The following UGGT2 variants were observed in gnomAD, a reference collection of about 807,000 sequenced individuals.
UGGT2 encodes the protein UDP-glucose glycoprotein glucosyltransferase 2, also known as UDP-glucose:glycoprotein glucosyltransferase 2.
A neutral mutation model predicts 192.1 loss-of-function variants in UGGT2; 180 were observed. The observed-to-expected ratio is 0.94, with a 90% CI of 0.83 to 1.06. The LOEUF (loss-of-function observed/expected upper bound fraction) is 1.06, where lower values mean the gene tolerates loss of function less well. UGGT2 is among the 50% of genes least tolerant of loss of function. The probability of loss-of-function intolerance (pLI) is 0.00; values close to 1 mark genes in which losing one functional copy is unlikely to be tolerated. For missense variants in UGGT2, 1,849 were observed against 1,795.7 expected (o/e 1.03, Z -0.54); for synonymous variants, 580 against 591.0 (o/e 0.98, Z 0.27).
intron 29 of UGGT2, among the ~76,000 whole-genome samples, chr13:95,875,664 C>T (rs1354426817): frequency 6.6e-6 from 1 of 152,156 alleles, no homozygotes; most frequent in Non-Finnish European, 1.5e-5. Context: ...ATTAATTCTT[C>T]AATTTTCTTG....
intron 9 of UGGT2, chr13:95,985,310 G>A (rs750395493): frequency 9.3e-6 from 12 of 1,289,866 alleles, no homozygotes; most frequent in African/African-American, 1.5e-5. Context: ...TTGACTGAAA[G>A]AGGCATATCA....
At chr13:95,945,661 A>G (rs982096340) in intron 15 of UGGT2, among the ~76,000 whole-genome samples, 25 of 152,290 alleles carry the variant, frequency 1.6e-4, no homozygotes, top group African/African-American at 6.0e-4. Flanking sequence ...TATCATAATG[A>G]TCCTTTACAA....
At chr13:95,927,973 G>A (rs1370325414) in intron 17 of UGGT2, among the ~76,000 whole-genome samples, 1 of 152,106 alleles carries the variant, frequency 6.6e-6, no homozygotes, top group African/African-American at 2.4e-5. Flanking sequence ...AGAGAGCACG[G>A]GGTTGGGGGT....
chr13:95,992,664 CAT>C (rs2051494531), intron 7 of UGGT2, among the ~76,000 whole-genome samples: 2 of 152,078 alleles, frequency 1.3e-5, no homozygotes, highest in South Asian at 2.1e-4. Flanking sequence ...AGCCAAGAAA[CAT>C]ATGAAAAAAT....
At chr13:96,004,749 T>G (rs928122008) in intron 5 of UGGT2, among the ~76,000 whole-genome samples, 1 of 144,000 alleles carries the variant, frequency 6.9e-6, no homozygotes, top group Admixed American at 7.3e-5. Context: ...ACCAAAAAAA[T>G]AATTTATTGT....
At chr13:95,899,086 G>C (rs2048029755) in intron 22 of UGGT2, among the ~76,000 whole-genome samples, 1 of 152,130 alleles carries the variant, frequency 6.6e-6, no homozygotes, top group African/African-American at 2.4e-5. Context: ...AAGAGTTCAA[G>C]ACTGAAGGGA....
chr13:96,039,727 C>T (rs2053111866), intron 1 of UGGT2, among the ~76,000 whole-genome samples: 1 of 152,160 alleles, frequency 6.6e-6, no homozygotes, highest in East Asian at 1.9e-4. Flanking sequence ...GCTTGGAAAT[C>T]TTTTCAGCTC....
Position 95,854,393 on chromosome 13 carries a change from C to T in UGGT2, c.4091G>A (p.Arg1364His), listed in dbSNP as rs142490993. The change falls in exon 35 of 39, where the codon CGC becomes CAC. Residue 1364 changes from arginine to histidine, a missense_variant. Physicochemically the swap from Arg to His is conservative, Grantham distance 29. Transcript: ENST00000376747. ...PYGYTPFCDSRREMDGYRFWK... is the reference protein window; with the variant it reads ...PYGYTPFCDSHREMDGYRFWK... ...GAAACGATATCCATCCATTTCCCTG[C>T]GGCTATCACAAAATGGAGTATACCC... The T allele has an allele frequency of 1.7e-4, 279 of 1,613,752 alleles. 1 individual carries two copies. Among genetic ancestry groups the T allele is most frequent in the South Asian group, 1.1e-3 (104 of 91,034 alleles).
intron 1 of UGGT2, among the ~76,000 whole-genome samples, chr13:96,045,272 A>G (rs2053275654): frequency 6.6e-6 from 1 of 152,206 alleles, no homozygotes; most frequent in African/African-American, 2.4e-5. Flanking sequence ...AAAGCATTTG[A>G]CAAAATCAAG....
At chr13:96,043,935 T>C (rs2139211493) in intron 1 of UGGT2, among the ~76,000 whole-genome samples, 1 of 152,278 alleles carries the variant, frequency 6.6e-6, no homozygotes, top group Admixed American at 6.5e-5. Context: ...AATACTGCAC[T>C]GATAGCACTA....
intron 35 of UGGT2, 133 bp downstream of exon 35, chr13:95,854,179 CATG>C: frequency 1.2e-6 from 1 of 861,616 alleles, no homozygotes; most frequent in Non-Finnish European, 1.7e-6. Flanking sequence ...GAGTGACTGG[CATG>C]AAATGAACAC....
At chr13:95,838,432 T>C (rs1039552252) in intron 36 of UGGT2, among the ~76,000 whole-genome samples, 6 of 152,278 alleles carry the variant, frequency 3.9e-5, no homozygotes, top group Admixed American at 3.3e-4. Context: ...AGTTATTTTG[T>C]GGAGATTGGC....
intron 15 of UGGT2, among the ~76,000 whole-genome samples, chr13:95,945,454 C>A (rs951875406): frequency 6.6e-6 from 1 of 151,972 alleles, no homozygotes; most frequent in African/African-American, 2.4e-5. Context: ...TGTATTAAAC[C>A]CTGTGGTTTC....
intron 8 of UGGT2, among the ~76,000 whole-genome samples, chr13:95,988,727 TG>T (rs1594518869): frequency 6.6e-6 from 1 of 152,176 alleles, no homozygotes; most frequent in East Asian, 1.9e-4. Flanking sequence ...TAATAGATTG[TG>T]TCTTGCACAT....
At chr13:95,987,522 T>C (rs61972950) in intron 8 of UGGT2, among the ~76,000 whole-genome samples, 3,932 of 152,274 alleles carry the variant, frequency 0.026, 60 homozygotes, top group Non-Finnish European at 0.034. Flanking sequence ...AACATAATTA[T>C]ACTTTTTAAA....
At chr13:95,911,728 C>T (rs1052760087) in intron 20 of UGGT2, among the ~76,000 whole-genome samples, 4 of 152,134 alleles carry the variant, frequency 2.6e-5, no homozygotes, top group African/African-American at 7.2e-5. Context: ...CTCCCTAACT[C>T]AACTTATGAG....
intron 8 of UGGT2, among the ~76,000 whole-genome samples, 192 bp downstream of exon 8, chr13:95,989,781 A>T (rs2051401595): frequency 6.6e-6 from 1 of 152,144 alleles, no homozygotes; most frequent in Non-Finnish European, 1.5e-5. Flanking sequence ...AAGTCTTGCA[A>T]ATATAAAAAT....
chr13:95,827,300 A>T (rs1886149710), intron 38 of UGGT2, among the ~76,000 whole-genome samples: 1 of 152,196 alleles, frequency 6.6e-6, no homozygotes, highest in African/African-American at 2.4e-5. Context: ...CTCCAAATGT[A>T]TCCTTATTTG....
chr13:95,968,608 G>T (rs2050665623), intron 12 of UGGT2, among the ~76,000 whole-genome samples: 1 of 152,046 alleles, frequency 6.6e-6, no homozygotes, highest in African/African-American at 2.4e-5. Flanking sequence ...TCCTGTTCTT[G>T]CCATATGAGA....
Sources: gnomAD v4.1 joint callset for allele counts (sites outside exome capture counted in the v4.1 genomes callset) on GRCh38, gnomAD v4.1.1 for gene constraint, MANE v1.5 for transcripts, NCBI Gene and HGNC (gene_info 2026-07-23, HGNC 2026-07-21) for gene names.